The following ATP2C2 variants were observed in gnomAD, a reference collection of about 807,000 sequenced individuals.
ATP2C2 encodes calcium-transporting ATPase type 2C member 2.
In ATP2C2, 171 loss-of-function variants were observed where a neutral mutation model predicts 110.8. The ratio of observed to expected loss-of-function variants is 1.54; its 90% CI spans 1.36 to 1.75. ATP2C2 has a LOEUF of 1.75. Ranked by LOEUF, ATP2C2 falls within the 40% of genes most tolerant of loss-of-function variation. The pLI is 0.00. For synonymous variants in ATP2C2, 804 were observed against 508.4 expected (o/e 1.58, Z -7.82); for missense variants, 1,963 against 1,235.0 (o/e 1.59, Z -8.84).
At chr16:84,408,677 A>G (rs912989705) in intron 4 of ATP2C2, among the ~76,000 whole-genome samples, 183 bp downstream of exon 4, 2 of 152,150 alleles carry the variant, frequency 1.3e-5, no homozygotes, top group African/African-American at 4.8e-5. Context: ...GCCCTGGTTT[A>G]TTCGGCCACT....
At chr16:84,438,493 C>G (rs112605655) in intron 11 of ATP2C2, among the ~76,000 whole-genome samples, 10 of 152,338 alleles carry the variant, frequency 6.6e-5, no homozygotes, top group African/African-American at 2.4e-4. Context: ...CAGCCCCAGT[C>G]TCATTTCCAA....
chr16:84,408,934 A>G (rs1906026563), intron 4 of ATP2C2, among the ~76,000 whole-genome samples: 1 of 152,162 alleles, frequency 6.6e-6, no homozygotes, highest in Non-Finnish European at 1.5e-5. Context: ...GAAATTGAGT[A>G]CATTCATGAT....
At chr16:84,377,392 G>A (rs763250160) in intron 1 of ATP2C2, among the ~76,000 whole-genome samples, 3 of 152,144 alleles carry the variant, frequency 2.0e-5, no homozygotes, top group Non-Finnish European at 2.9e-5. Context: ...AAGGTGTCCA[G>A]CCAGCTGCCC....
intron 2 of ATP2C2, among the ~76,000 whole-genome samples, chr16:84,400,303 T>C (rs1567696406): frequency 1.3e-5 from 2 of 151,760 alleles, no homozygotes; most frequent in South Asian, 2.1e-4. Flanking sequence ...CTGGGGATCA[T>C]ATAATAGTTG....
intron 2 of ATP2C2, 70 bp downstream of exon 2, chr16:84,398,679 C>A: frequency 8.1e-7 from 1 of 1,231,390 alleles, no homozygotes; most frequent in Non-Finnish European, 1.1e-6. Context: ...CAACACAAAG[C>A]CCTGAACAGT....
chr16:84,459,443 C>G (rs1404251420), intron 23 of ATP2C2, 57 bp downstream of exon 23: 9 of 1,603,858 alleles, frequency 5.6e-6, no homozygotes, highest in Middle Eastern at 1.7e-4. Flanking sequence ...GGGGCTTCCT[C>G]CAGGGGCTGC....
chr16:84,406,484 T>G, intron 3 of ATP2C2: 7 of 629,816 alleles, frequency 1.1e-5, no homozygotes, highest in Non-Finnish European at 1.4e-5. Context: ...ATTGGCTCTG[T>G]GTTTACAGCT....
At chr16:84,435,901 G>A (rs1348670260) in intron 11 of ATP2C2, among the ~76,000 whole-genome samples, 2 of 152,180 alleles carry the variant, frequency 1.3e-5, no homozygotes, top group East Asian at 1.9e-4. Context: ...GGCCGAGGCA[G>A]GTGGATCACT....
At chr16:84,376,270 G>T (rs1445201789) in intron 1 of ATP2C2, among the ~76,000 whole-genome samples, 4 of 152,222 alleles carry the variant, frequency 2.6e-5, no homozygotes, top group Admixed American at 6.5e-5. Flanking sequence ...AGGCGATGAG[G>T]TTGCCATGAG....
intron 1 of ATP2C2, among the ~76,000 whole-genome samples, chr16:84,395,421 C>G (rs1337056319): frequency 6.6e-6 from 1 of 151,726 alleles, no homozygotes; most frequent in Non-Finnish European, 1.5e-5. Flanking sequence ...GGGGCACATG[C>G]TAGTCCTGCC....
rs777575546 is a variant in ATP2C2 at position 84,453,205 on chromosome 16, G to T, written c.1899G>T (p.Glu633Asp). ...CCGGGGAGGAGGTGGACAGCGTGGAGAAGGGCGAGCTGGCCGACCGCGTGG... is the reference window on the plus strand; with the variant it reads ...CCGGGGAGGAGGTGGACAGCGTGGATAAGGGCGAGCTGGCCGACCGCGTGG... ...AMSGEEVDSV[E>D]KGELADRVGK... is the part of the protein sequence containing the mutation. Residue 633 changes from glutamate (E) to aspartate (D), a missense_variant, in exon 19 of 27, where the codon GAG (glutamate) becomes GAT (aspartate). Transcript: ENST00000262429. 3 of 1,613,882 alleles carry T rather than the reference G, an allele frequency of 1.9e-6. No individual in the cohort carries two copies. The highest frequency in any genetic ancestry group is 4.5e-5 in the East Asian group (2 of 44,884).
intron 10 of ATP2C2, among the ~76,000 whole-genome samples, chr16:84,424,905 G>A (rs1597811085): frequency 6.6e-6 from 1 of 152,192 alleles, no homozygotes; most frequent in East Asian, 1.9e-4. Flanking sequence ...GTACCTAGTG[G>A]GGGTGGCTCT....
At chr16:84,424,767 C>T (rs913557166) in intron 10 of ATP2C2, among the ~76,000 whole-genome samples, 1 of 151,934 alleles carries the variant, frequency 6.6e-6, no homozygotes, top group Non-Finnish European at 1.5e-5. Context: ...TCAGTGTGGC[C>T]GTTTTCAAGC....
At chr16:84,429,033 G>A (rs1187335120) in intron 11 of ATP2C2, among the ~76,000 whole-genome samples, 1 of 152,166 alleles carries the variant, frequency 6.6e-6, no homozygotes, top group East Asian at 1.9e-4. Flanking sequence ...CTTAGGCTCT[G>A]GATAATGAAA....
intron 24 of ATP2C2, 68 bp downstream of exon 24, chr16:84,460,869 C>G (rs1308553804): frequency 1.3e-6 from 2 of 1,510,160 alleles, no homozygotes; most frequent in Middle Eastern, 1.9e-4. Context: ...GACTGCAGTC[C>G]CTGCCCTCCT....
At chr16:84,423,801 T>C (rs1398535211) in intron 10 of ATP2C2, among the ~76,000 whole-genome samples, 1 of 152,214 alleles carries the variant, frequency 6.6e-6, no homozygotes, top group Admixed American at 6.5e-5. Flanking sequence ...GAAATGTAGT[T>C]TATCTGTGCA....
rs1033876519 is a variant in ATP2C2, at chr16:84,429,124, G to T, written c.986+3323G>T. Among the ~76,000 whole-genome samples the T allele has an allele frequency of 3.6e-5, 5 of 139,792 alleles. No homozygotes were observed. The South Asian group carries it at 7.1e-4, about 20-fold the overall frequency. The allele number at this position is 139,792 out of a possible 152,430, so 91.7% of individuals were successfully genotyped here. On this transcript the variant is annotated intron_variant, in intron 11 of 26. Transcript: ENST00000262429. ...TCTGGCTTAATATCCTGAACAGAACGATCTTCATGGCGTTGTTTTTTTTGT... is the reference window on the plus strand; with the variant it reads ...TCTGGCTTAATATCCTGAACAGAACTATCTTCATGGCGTTGTTTTTTTTGT...
intron 17 of ATP2C2, among the ~76,000 whole-genome samples, chr16:84,449,615 C>T (rs982203702): frequency 6.6e-6 from 1 of 152,172 alleles, no homozygotes; most frequent in African/African-American, 2.4e-5. Flanking sequence ...AAGCCAGGCC[C>T]AGCTTCTGCG....
In ATP2C2 at chr16:84,442,625, G is replaced by A. The variant is rs377409464; in HGVS notation, c.1401+26G>A. ...GTAGGAGGTCCTGGGGTGGCTCTGC[G>A]GGGAATTCTTTCGCTCGGGGCTGGA... On this transcript the variant is annotated intron_variant, in intron 15 of 26. Coordinates refer to ENST00000262429, the MANE Select transcript of ATP2C2 (RefSeq NM_014861.4). 4.5e-5 allele frequency: 73 copies of A among 1,607,374 alleles called. No homozygotes were observed. In the African/African-American group the frequency reaches 6.0e-4, roughly 13 times the overall value.
Sources: gnomAD v4.1 joint callset for allele counts (sites outside exome capture counted in the v4.1 genomes callset) on GRCh38, gnomAD v4.1.1 for gene constraint, MANE v1.5 for transcripts, NCBI Gene and HGNC (gene_info 2026-07-23, HGNC 2026-07-21) for gene names.